The following TTC24 variants were observed in gnomAD, a reference collection of about 807,000 sequenced individuals.
TTC24 encodes the protein tetratricopeptide repeat domain 24.
Under a neutral mutation model 63.3 loss-of-function variants are expected in TTC24, and 54 were observed. The observed-to-expected ratio is 0.85, with a 90% confidence interval of 0.69 to 1.07. The LOEUF (loss-of-function observed/expected upper bound fraction) is 1.07. TTC24 is among the 50% of genes least tolerant of loss of function. The pLI, the probability that TTC24 is intolerant of heterozygous loss-of-function variation, is 0.00. For synonymous variants in TTC24, 276 were observed against 304.3 expected, an observed-to-expected ratio of 0.91 and a Z score of 0.97; for missense variants, 680 against 730.5, an observed-to-expected ratio of 0.93 and a Z score of 0.80.
In TTC24 at chr1:156,583,977, T is replaced by G. The variant is rs1218443956; in HGVS notation, c.1251+82T>G. Reference sequence around the variant, plus strand: ...GGTTGGTGGTAAGCAGAGACGCTGTTCCCTGGGATGCTGCGCGCTTGGCCG... The same window carrying G: ...GGTTGGTGGTAAGCAGAGACGCTGTGCCCTGGGATGCTGCGCGCTTGGCCG... On this transcript the variant is annotated intron_variant, in intron 6 of 10. Coordinates refer to ENST00000368236, the MANE Select transcript of TTC24 (RefSeq NM_001105669.4). This position sits in a 1 kb window ranked among gnomAD's most constrained non-coding sequence, Gnocchi z 4.0. 8.5e-7 allele frequency: 1 copy of G among 1,170,384 alleles called. No individual in the cohort carries two copies. The highest frequency in any genetic ancestry group is 1.5e-5 in the African/African-American group (1 of 65,504). The allele number at this position is 1,170,384 out of a possible 1,614,324, so 72.5% of individuals were successfully genotyped here.
intron 2 of TTC24, 47 bp downstream of exon 2, chr1:156,582,117 G>A (rs191624583): frequency 4.9e-5 from 72 of 1,463,068 alleles, no homozygotes; most frequent in Non-Finnish European, 5.9e-5. Context: ...GAGACACAGA[G>A]CCTGATGATA....
Position 156,581,684 on chromosome 1 carries a change from C to T in TTC24, c.320C>T (p.Pro107Leu). 6.4e-7 allele frequency: 1 copy of T among 1,551,790 alleles called. No homozygotes were observed. The highest frequency in any genetic ancestry group is 2.4e-5 in the East Asian group (1 of 40,928). The change falls in exon 2 of 11, where the codon CCT (proline) becomes CTT (leucine). Residue 107 changes from proline to leucine, a missense_variant. Transcript: ENST00000368236. ...RGLELLLRAH[P>L]EEKAQGRRHG... ...CTTGAGCTACTCCTGCGAGCCCACC[C>T]TGAAGAGAAGGCACAGGGCAGGCGA...
rs1459317368 is a variant in TTC24, at chr1:156,581,618, TG to T, written c.259del (p.Ala87LeufsTer86). The T allele has an allele frequency of 7.7e-6, 12 of 1,551,730 alleles. No individual in the cohort carries two copies. The highest frequency in any genetic ancestry group is 1.0e-5 in the Non-Finnish European group (12 of 1,147,002). ...GTGCTCCAGGCCTGCGCCTTCAACCTGGGGGCTGCCTATGTGGAGACTGGGG... is the reference window on the plus strand; with the variant it reads ...GTGCTCCAGGCCTGCGCCTTCAACCTGGGGCTGCCTATGTGGAGACTGGGG... ...TPVLQACAFN[L>X]GAAYVETGDP... On this transcript the variant is annotated frameshift_variant, in exon 2 of 11. Coordinates refer to ENST00000368236, the MANE Select transcript of TTC24 (RefSeq NM_001105669.4). LOFTEE classifies it high-confidence loss of function.
chr1:156,585,001 A>C, intron 7 of TTC24, 27 bp downstream of exon 7: 1 of 1,553,894 alleles, frequency 6.4e-7, no homozygotes, highest in East Asian at 2.3e-5. Context: ...TGCAGCAGAG[A>C]TGCATGCGCC....
chr1:156,585,122 C>A lies in TTC24; in HGVS notation c.1350-3C>A. ...GCTGTGCCCTGGTTCCTTGCCCCTA[C>A]AGATCTTCCAGTGGGTGGGAAGATG... On this transcript the variant is annotated splice_region_variant and splice_polypyrimidine_tract_variant and intron_variant, in intron 7 of 10. Coordinates refer to ENST00000368236, the MANE Select transcript of TTC24 (RefSeq NM_001105669.4). 1 of 1,608,658 alleles carries A rather than the reference C, an allele frequency of 6.2e-7. No individual in the cohort carries two copies. The highest frequency in any genetic ancestry group is 8.5e-7 in the Non-Finnish European group (1 of 1,177,046).
rs1470560478 is a variant in TTC24, at chr1:156,583,735, A to G, written c.1153-62A>G. The stretch of plus-strand genomic sequence containing the variant: ...CCCTTTCCTGTTTCCTTCTTCCCCA[A>G]CCCCCAGAGGACCATAAGGTCCAGG... On this transcript the variant is annotated intron_variant, in intron 5 of 10. Coordinates refer to ENST00000368236, the MANE Select transcript of TTC24 (RefSeq NM_001105669.4). This position sits in a 1 kb window ranked among gnomAD's most constrained non-coding sequence, Gnocchi z 4.0. 1.3e-5 allele frequency: 16 copies of G among 1,267,466 alleles called. No homozygotes were observed. Among genetic ancestry groups the G allele is most frequent in the Non-Finnish European group, 1.8e-5 (16 of 900,104 alleles). The allele number at this position is 1,267,466 out of a possible 1,614,324, so 78.5% of individuals were successfully genotyped here.
At position 156,581,764 on chromosome 1, in the gene TTC24, CCT is replaced by C; in HGVS notation, c.402_403del (p.Gln135SerfsTer17). 6.4e-7 allele frequency: 1 copy of C among 1,551,728 alleles called. No homozygotes were observed. The highest frequency in any genetic ancestry group is 8.7e-7 in the Non-Finnish European group (1 of 1,147,008). On this transcript the variant is annotated frameshift_variant, in exon 2 of 11. Coordinates refer to ENST00000368236, the MANE Select transcript of TTC24 (RefSeq NM_001105669.4). LOFTEE classifies it high-confidence loss of function. ...ALAYHALGEL[P>X]QALAWYHRAL... Reference sequence around the variant, plus strand: ...GGCCTACCATGCCCTCGGCGAGCTGCCTCAAGCTTTGGCCTGGTACCACAGGG... The same window carrying C: ...GGCCTACCATGCCCTCGGCGAGCTGCCAAGCTTTGGCCTGGTACCACAGGG...
chr1:156,585,195 A>T lies in TTC24; in HGVS notation c.1420A>T (p.Asn474Tyr). The stretch of plus-strand genomic sequence containing the variant: ...GAAGAAAAAAGAGGAGAGGTCGGCA[A>T]ACGTTCCGGTGAGGGCTGGGCCGGG... ...HQKKKEERSA[N>Y]VPVRAGPGRP... Residue 474 changes from asparagine to tyrosine, a missense_variant, in exon 8 of 11, where the codon AAC (asparagine) becomes TAC (tyrosine). Coordinates refer to ENST00000368236, the MANE Select transcript of TTC24 (RefSeq NM_001105669.4). The T allele has an allele frequency of 1.2e-6, 2 of 1,613,438 alleles. No individual in the cohort carries two copies. Among genetic ancestry groups the T allele is most frequent in the Non-Finnish European group, 1.7e-6 (2 of 1,179,684 alleles).
intron 6 of TTC24, among the ~76,000 whole-genome samples, 196 bp downstream of exon 6, chr1:156,584,091 C>A (rs574663986): frequency 1.2e-3 from 183 of 152,134 alleles, no homozygotes; most frequent in African/African-American, 4.3e-3. Context: ...GGCACGTCTC[C>A]AACACAAGGG....
intron 1 of TTC24, among the ~76,000 whole-genome samples, 153 bp from the exon 2 acceptor site, chr1:156,581,208 G>T (rs1163505168): frequency 6.6e-6 from 1 of 152,190 alleles, no homozygotes; most frequent in Non-Finnish European, 1.5e-5. Flanking sequence ...GTGCCCAATG[G>T]GACAGAAGAA....
In TTC24 at chr1:156,581,430, G is replaced by GA. The variant is rs1299381640; in HGVS notation, c.71dup (p.Lys25GlufsTer30). On this transcript the variant is annotated frameshift_variant, in exon 2 of 11. Coordinates refer to ENST00000368236, the MANE Select transcript of TTC24 (RefSeq NM_001105669.4). LOFTEE classifies it high-confidence loss of function. ...AACCTGAGCCCTCAAGCTCCAATAA[G>GA]AAAAAGAAGAAAAGAAAGTGGCTGC... is the stretch of plus-strand genomic sequence containing the variant. 1.3e-6 allele frequency: 2 copies of GA among 1,548,088 alleles called. No homozygotes were observed. The highest frequency in any genetic ancestry group is 4.0e-5 in the Admixed American group (2 of 50,110).
In TTC24 at chr1:156,583,437, T is replaced by G. The variant is rs752678318; in HGVS notation, c.1139T>G (p.Leu380Arg). Reference sequence around the variant, plus strand: ...GCCTTGAAGTACTATAAGGAAGCACTGGCCCAGTGTCAGGTGAGACCCCGC... The same window carrying G: ...GCCTTGAAGTACTATAAGGAAGCACGGGCCCAGTGTCAGGTGAGACCCCGC... ...DQALKYYKEALAQCQKEPDSV... is the reference protein window; with the variant it reads ...DQALKYYKEARAQCQKEPDSV... The change falls in exon 5 of 11, where the codon CTG (leucine) becomes CGG (arginine). Residue 380 changes from leucine (L) to arginine (R), a missense_variant. Leu to Arg is a moderately radical substitution (Grantham distance 102). Transcript: ENST00000368236. This position sits in a 1 kb window ranked among gnomAD's most constrained non-coding sequence, Gnocchi z 4.0. 1.2e-6 allele frequency: 2 copies of G among 1,601,200 alleles called. No individual in the cohort carries two copies. The highest frequency in any genetic ancestry group is 4.5e-5 in the East Asian group (2 of 44,742).
At position 156,581,395 on chromosome 1, in the gene TTC24, C is replaced by T. The variant is rs376801491; in HGVS notation, c.31C>T (p.Arg11Trp). 98 of 1,525,798 alleles carry T rather than the reference C, an allele frequency of 6.4e-5. No homozygotes were observed. The highest frequency in any genetic ancestry group is 1.9e-4 in the African/African-American group (14 of 71,878). The allele number at this position is 1,525,798 out of a possible 1,614,324, so 94.5% of individuals were successfully genotyped here. A position where few individuals can be genotyped will look rare whatever the true frequency, so the allele number is the denominator to read the frequency against. The change falls in exon 2 of 11, where the codon CGG becomes TGG. Residue 11 changes from arginine to tryptophan, a missense_variant. By Grantham distance (101) the Arg-to-Trp change is moderately radical. Coordinates refer to ENST00000368236, the MANE Select transcript of TTC24 (RefSeq NM_001105669.4). MSSPNPEDVP[R>W]RPEPEPSSSN... is the part of the protein sequence containing the mutation. ...TTCCCCCAACCCTGAGGATGTGCCC[C>T]GGAGGCCAGAACCTGAGCCCTCAAG...
rs1275568572 is a variant in TTC24 at position 156,581,758 on chromosome 1, G to A, written c.394G>A (p.Glu132Lys). The change falls in exon 2 of 11, where the codon GAG (glutamate) becomes AAG (lysine). Residue 132 changes from glutamate (E) to lysine (K), a missense_variant. Glu to Lys is a moderately conservative substitution (Grantham distance 56). Coordinates refer to ENST00000368236, the MANE Select transcript of TTC24 (RefSeq NM_001105669.4). ...NVALAYHALG[E>K]LPQALAWYHR... is the part of the protein sequence containing the mutation. ...GGCTTTGGCCTACCATGCCCTCGGCGAGCTGCCTCAAGCTTTGGCCTGGTA... is the reference window on the plus strand; with the variant it reads ...GGCTTTGGCCTACCATGCCCTCGGCAAGCTGCCTCAAGCTTTGGCCTGGTA... The A allele has an allele frequency of 8.4e-6, 13 of 1,551,494 alleles. No homozygotes were observed. The highest frequency in any genetic ancestry group is 4.9e-5 in the East Asian group (2 of 40,906).
chr1:156,583,272 C>T lies in TTC24; in HGVS notation c.1040-66C>T. 1.9e-6 allele frequency: 3 copies of T among 1,607,764 alleles called. No homozygotes were observed. The highest frequency in any genetic ancestry group is 2.5e-6 in the Non-Finnish European group (3 of 1,177,116). The stretch of plus-strand genomic sequence containing the variant: ...GGGGGGAACTGAGGGTAGGGAGTGC[C>T]TCTGAGGGGGTGGATCAGTGGGGTA... On this transcript the variant is annotated intron_variant, in intron 4 of 10. Coordinates refer to ENST00000368236, the MANE Select transcript of TTC24 (RefSeq NM_001105669.4). The surrounding 1 kb of genome is among the most constrained non-coding windows in gnomAD (Gnocchi z 4.0).
At position 156,581,939 on chromosome 1, in the gene TTC24, C is replaced by T. The variant is rs1677009404; in HGVS notation, c.575C>T (p.Ala192Val). ...TATGCTCAAGAGAGACAGCTGCGGGCCGCAGCCCTGGCACTGGGGGCTGCG... is the reference window on the plus strand; with the variant it reads ...TATGCTCAAGAGAGACAGCTGCGGGTCGCAGCCCTGGCACTGGGGGCTGCG... ...QAYAQERQLRAAALALGAAAG... is the reference protein window; with the variant it reads ...QAYAQERQLRVAALALGAAAG... Residue 192 changes from alanine (A) to valine (V), a missense_variant, in exon 2 of 11, where the codon GCC becomes GTC. Physicochemically the swap from Ala to Val is moderately conservative, Grantham distance 64 (BLOSUM62 0). Coordinates refer to ENST00000368236, the MANE Select transcript of TTC24 (RefSeq NM_001105669.4). 4 of 1,531,654 alleles carry T rather than the reference C, an allele frequency of 2.6e-6. No homozygotes were observed. Among genetic ancestry groups the T allele is most frequent in the Non-Finnish European group, 3.5e-6 (4 of 1,137,960 alleles). The allele number at this position is 1,531,654 out of a possible 1,614,324, so 94.9% of individuals were successfully genotyped here.
intron 6 of TTC24, 104 bp from the exon 7 acceptor site, chr1:156,584,773 G>A (rs963010919): frequency 1.5e-6 from 1 of 687,926 alleles, no homozygotes; most frequent in Non-Finnish European, 2.3e-6. Context: ...ACAAGCGGCA[G>A]AGCCCGAATT....
At chr1:156,582,527 G>A in intron 3 of TTC24, 93 bp downstream of exon 3, 1 of 1,158,312 alleles carries the variant, frequency 8.6e-7, no homozygotes, top group Non-Finnish European at 1.2e-6. Context: ...ATGGCCCTTT[G>A]GGACCACTTA....
At position 156,583,952 on chromosome 1, in the gene TTC24, G is replaced by T; in HGVS notation, c.1251+57G>T. On this transcript the variant is annotated intron_variant, in intron 6 of 10. Transcript: ENST00000368236. This position sits in a 1 kb window ranked among gnomAD's most constrained non-coding sequence, Gnocchi z 4.0. ...GTGGAGAGAGGTTACCCAGAGAAGG[G>T]GTTGGTGGTAAGCAGAGACGCTGTT... is the stretch of plus-strand genomic sequence containing the variant. 1 of 1,458,658 alleles carries T rather than the reference G, an allele frequency of 6.9e-7. No individual in the cohort carries two copies. Among genetic ancestry groups the T allele is most frequent in the South Asian group, 1.2e-5 (1 of 81,976 alleles). The allele number at this position is 1,458,658 out of a possible 1,614,324, so 90.4% of individuals were successfully genotyped here.
Sources: gnomAD v4.1 joint callset for allele counts (sites outside exome capture counted in the v4.1 genomes callset) on GRCh38, gnomAD v4.1.1 for gene constraint, Gnocchi (gnomAD v3.1) non-coding constraint, MANE v1.5 for transcripts, NCBI Gene and HGNC (gene_info 2026-07-23, HGNC 2026-07-21) for gene names.